CNTNAP2: variants seen among roughly 807,000 people sequenced by gnomAD.
CNTNAP2 encodes the protein contactin associated protein 2, also known as contactin-associated protein-like 2.
In CNTNAP2, 98 loss-of-function variants were observed where a neutral mutation model predicts 155.2. That is an observed-to-expected ratio of 0.63 (90% CI 0.54 to 0.75). The LOEUF is 0.75. Among genes scored for constraint, CNTNAP2 ranks in the 30% least tolerant of loss-of-function variants. The probability of loss-of-function intolerance (pLI) is 0.00; values close to 1 mark genes in which losing one functional copy is unlikely to be tolerated. For missense variants in CNTNAP2, 1,727 were observed against 1,688.1 expected (o/e 1.02, Z -0.40); for synonymous variants, 651 against 631.2 (o/e 1.03, Z -0.47).
intron 1 of CNTNAP2, among the ~76,000 whole-genome samples, chr7:146,660,496 ATTG>A (rs1288630846): frequency 3.3e-5 from 5 of 152,250 alleles, no homozygotes; most frequent in African/African-American, 9.6e-5. Flanking sequence ...TGTACTTCAA[ATTG>A]TTGTTACAAA....
intron 1 of CNTNAP2, among the ~76,000 whole-genome samples, chr7:146,550,855 A>T (rs1277578426): frequency 6.6e-6 from 1 of 152,078 alleles, no homozygotes; most frequent in Non-Finnish European, 1.5e-5. Flanking sequence ...CATTGAAGAG[A>T]AATATTCAGG....
intron 1 of CNTNAP2, among the ~76,000 whole-genome samples, chr7:146,573,149 C>G (rs1798468609): frequency 6.6e-6 from 1 of 151,852 alleles, no homozygotes; most frequent in African/African-American, 2.4e-5. Context: ...TTGGTTGGTC[C>G]TTTTTATTTT....
At chr7:148,124,448 T>A (rs921220843) in intron 16 of CNTNAP2, among the ~76,000 whole-genome samples, 2 of 152,178 alleles carry the variant, frequency 1.3e-5, no homozygotes, top group Non-Finnish European at 2.9e-5. Flanking sequence ...TAGATCCTTT[T>A]TCTGACTGAG....
intron 9 of CNTNAP2, among the ~76,000 whole-genome samples, chr7:147,385,652 C>T (rs1210947137): frequency 6.6e-6 from 1 of 152,242 alleles, no homozygotes; most frequent in East Asian, 1.9e-4. Context: ...TGGCCTTGGG[C>T]AGCTCTGCCC....
intron 13 of CNTNAP2, among the ~76,000 whole-genome samples, chr7:147,865,160 C>T (rs111596236): frequency 1.1e-4 from 17 of 152,078 alleles, no homozygotes; most frequent in Non-Finnish European, 1.8e-4. Context: ...TTGTCAAAGG[C>T]CTTTTCTGCA....
At chr7:147,505,907 T>A (rs1324180559) in intron 11 of CNTNAP2, among the ~76,000 whole-genome samples, 1 of 151,964 alleles carries the variant, frequency 6.6e-6, no homozygotes, top group Non-Finnish European at 1.5e-5. Flanking sequence ...TGGGTTTGGA[T>A]CAGATCTTGT....
intron 14 of CNTNAP2, among the ~76,000 whole-genome samples, chr7:147,965,773 C>T (rs1585052207): frequency 6.6e-6 from 1 of 152,124 alleles, no homozygotes; most frequent in African/African-American, 2.4e-5. Flanking sequence ...TGGCTGCATT[C>T]TGACTTGCAT....
chr7:148,357,142 C>A (rs1014507760), intron 21 of CNTNAP2, among the ~76,000 whole-genome samples: 1 of 152,092 alleles, frequency 6.6e-6, no homozygotes, highest in South Asian at 2.1e-4. Flanking sequence ...GGGAGGGACC[C>A]AGTGGGACGT....
chr7:146,535,981 A>G (rs1013671185), intron 1 of CNTNAP2, among the ~76,000 whole-genome samples: 41 of 152,172 alleles, frequency 2.7e-4, no homozygotes, highest in East Asian at 7.7e-4. Context: ...TATGAAAGGA[A>G]TTTTCTTCAT....
At chr7:148,267,949 C>CA (rs1222273530) in intron 21 of CNTNAP2, among the ~76,000 whole-genome samples, 1 of 152,104 alleles carries the variant, frequency 6.6e-6, no homozygotes, top group Non-Finnish European at 1.5e-5. Context: ...ATAAGAAGGC[C>CA]AATAAGGAAT....
chr7:146,596,595 C>CAGACAGAGAGAGAGAG (rs71165017), intron 1 of CNTNAP2, among the ~76,000 whole-genome samples: 34 of 105,074 alleles, frequency 3.2e-4, no homozygotes, highest in South Asian at 1.6e-3. Flanking sequence ...AGAAGGGAGA[C>CAGACAGAGAGAGAGAG]AGAGAGAGAG....
At chr7:148,255,897 A>G (rs1030244372) in intron 20 of CNTNAP2, among the ~76,000 whole-genome samples, 31 of 152,174 alleles carry the variant, frequency 2.0e-4, no homozygotes, top group African/African-American at 7.2e-4. Flanking sequence ...TTCAAGGCTG[A>G]TGCTACCACT....
chr7:147,096,921 G>A (rs1185172572), intron 4 of CNTNAP2, among the ~76,000 whole-genome samples: 2 of 152,184 alleles, frequency 1.3e-5, no homozygotes, highest in Non-Finnish European at 2.9e-5. Flanking sequence ...CTCTAGCAAA[G>A]AGGAAAGAGA....
intron 15 of CNTNAP2, among the ~76,000 whole-genome samples, chr7:148,050,018 C>T (rs534573512): frequency 6.6e-6 from 1 of 152,176 alleles, no homozygotes; most frequent in African/African-American, 2.4e-5. Flanking sequence ...CAAAAATTAG[C>T]CAGGCATAGT....
At chr7:147,653,289 T>C (rs758524448) in intron 13 of CNTNAP2, among the ~76,000 whole-genome samples, 1 of 152,196 alleles carries the variant, frequency 6.6e-6, no homozygotes, top group African/African-American at 2.4e-5. Context: ...GAAACTCTTA[T>C]GTCTAAGCCT....
intron 1 of CNTNAP2, among the ~76,000 whole-genome samples, chr7:146,646,190 A>G (rs1481388810): frequency 1.3e-5 from 2 of 152,198 alleles, no homozygotes; most frequent in African/African-American, 2.4e-5. Context: ...GAAGCTTAGA[A>G]AAATCCTCCT....
chr7:147,886,358 C>T (rs2116723853), intron 13 of CNTNAP2, among the ~76,000 whole-genome samples: 1 of 151,482 alleles, frequency 6.6e-6, no homozygotes, highest in South Asian at 2.1e-4. Flanking sequence ...ACCTGTAATC[C>T]CAGCTACTTG....
chr7:147,867,000 G>T (rs1799241207), intron 13 of CNTNAP2, among the ~76,000 whole-genome samples: 1 of 152,094 alleles, frequency 6.6e-6, no homozygotes, highest in Non-Finnish European at 1.5e-5. Context: ...TATTATGTTA[G>T]CTGTTTATTT....
In CNTNAP2 at chr7:148,059,500, A is replaced by T. The variant is rs980565538; in HGVS notation, c.2384-58618A>T. ...CAGCTACTCTGGCTGAGGCAGGAAA[A>T]TCGCTTGAACCCGGGAGAGGGAGGT... On this transcript the variant is annotated intron_variant, in intron 15 of 23. Transcript: ENST00000361727. Among the ~76,000 whole-genome samples the T allele has an allele frequency of 5.3e-5, 8 of 151,670 alleles. No homozygotes were observed. The East Asian group carries it at 1.4e-3, about 26-fold the overall frequency.
Sources: allele counts gnomAD v4.1 joint callset (sites outside exome capture counted in the v4.1 genomes callset), GRCh38; gene constraint gnomAD v4.1.1; transcripts MANE v1.5; gene names NCBI Gene and HGNC (gene_info 2026-07-23, HGNC 2026-07-21).